The following LARGE1 variants were observed in gnomAD, a reference collection of about 807,000 sequenced individuals.
LARGE1 encodes xylosyl- and glucuronyltransferase LARGE1.
In LARGE1, 43 loss-of-function variants were observed where a neutral mutation model predicts 87.6. The ratio of observed to expected loss-of-function variants is 0.49; its 90% CI spans 0.38 to 0.63. The LOEUF (loss-of-function observed/expected upper bound fraction) is 0.63. LARGE1 is among the 30% of genes least tolerant of loss of function. The pLI is 0.00. For synonymous variants in LARGE1, 434 were observed against 394.6 expected (o/e 1.10, Z -1.18); for missense variants, 802 against 1,000.2 (o/e 0.80, Z 2.67).
intron 9 of LARGE1, among the ~76,000 whole-genome samples, chr22:33,350,397 C>T (rs962744647): frequency 7.2e-5 from 11 of 152,208 alleles, no homozygotes; most frequent in African/African-American, 2.7e-4. Context: ...CGTATTCTTC[C>T]TGTCTCTATG....
intron 4 of LARGE1, among the ~76,000 whole-genome samples, 197 bp from the exon 5 acceptor site, chr22:33,604,755 C>T (rs754143048): frequency 3.3e-5 from 5 of 152,132 alleles, no homozygotes; most frequent in Non-Finnish European, 5.9e-5. Flanking sequence ...TCATCTCACC[C>T]AACCTCTGTG....
chr22:33,271,781 T>C (rs12171120), downstream of LARGE1, among the ~76,000 whole-genome samples: 34,228 of 152,186 alleles, frequency 0.22, 4,578 homozygotes, highest in African/African-American at 0.36. Context: ...TCAGCCTCCA[T>C]TGGGTTGGCA....
intron 3 of LARGE1, among the ~76,000 whole-genome samples, chr22:33,628,790 C>T (rs889286307): frequency 3.5e-3 from 4 of 1,154 alleles, no homozygotes; most frequent in African/African-American, 0.013. Context: ...CCTCCCTATC[C>T]TCCAACCCGC....
At chr22:33,483,085 A>G (rs757414247) in intron 6 of LARGE1, among the ~76,000 whole-genome samples, 8 of 152,184 alleles carry the variant, frequency 5.3e-5, no homozygotes, top group African/African-American at 1.9e-4. Flanking sequence ...TCTGTTTACT[A>G]TTATCGTTTT....
intron 11 of LARGE1, among the ~76,000 whole-genome samples, chr22:33,254,815 G>A (rs542416262): frequency 5.9e-5 from 9 of 152,198 alleles, no homozygotes; most frequent in Admixed American, 2.6e-4. Context: ...TGTAGTTCAA[G>A]GTCCTTAAAC....
At chr22:33,379,121 T>C (rs2065074618) in intron 9 of LARGE1, among the ~76,000 whole-genome samples, 1 of 151,394 alleles carries the variant, frequency 6.6e-6, no homozygotes, top group Non-Finnish European at 1.5e-5. Flanking sequence ...GCTTGATTTC[T>C]AGCACACCCT....
At chr22:33,592,335 T>C (rs2078865126) in intron 5 of LARGE1, among the ~76,000 whole-genome samples, 1 of 152,192 alleles carries the variant, frequency 6.6e-6, no homozygotes, top group African/African-American at 2.4e-5. Flanking sequence ...TTCTGTCTCA[T>C]CTTCTTTGCT....
At chr22:33,391,729 T>A (rs1287350780) in intron 7 of LARGE1, among the ~76,000 whole-genome samples, 1 of 151,026 alleles carries the variant, frequency 6.6e-6, no homozygotes, top group Non-Finnish European at 1.5e-5. Context: ...TCTTTGCTCA[T>A]AAATCTATAA....
intron 1 of LARGE1, among the ~76,000 whole-genome samples, chr22:33,871,007 T>C (rs2064262838): frequency 6.6e-6 from 1 of 152,228 alleles, no homozygotes; most frequent in Admixed American, 6.5e-5. Context: ...ACCAGAACAG[T>C]GTCTGATCTA....
In LARGE1 at chr22:33,196,143, G is replaced by A. The variant is rs529051500; in HGVS notation, c.1731-29311C>T. The stretch of plus-strand genomic sequence containing the variant: ...CAAAGTAAATTAAAAAAAAAAAAAA[G>A]CGTAAGGATAAAAACCGGTATCAAC... On this transcript the variant is annotated intron_variant, in intron 11 of 11. Transcript: ENST00000608642. 1.8e-4 allele frequency among the ~76,000 whole-genome samples: 26 copies of A among 142,374 alleles called. No homozygotes were observed. The East Asian group carries it at 4.2e-3, about 23-fold the overall frequency. 93.4% of individuals were successfully genotyped at this position (142,374 alleles called of 152,430 possible).
At chr22:33,251,128 C>T (rs1479721979) in intron 11 of LARGE1, among the ~76,000 whole-genome samples, 1 of 152,168 alleles carries the variant, frequency 6.6e-6, no homozygotes, top group African/African-American at 2.4e-5. Flanking sequence ...GTGCTCAATA[C>T]CTGGGCCCTT....
chr22:33,642,624 G>A (rs2080473618), intron 3 of LARGE1, among the ~76,000 whole-genome samples: 1 of 142,712 alleles, frequency 7.0e-6, no homozygotes, highest in African/African-American at 2.6e-5. Context: ...TCAGTGTGCT[G>A]TATTCAGGAG....
At chr22:33,861,586 C>T (rs1241570171) in intron 1 of LARGE1, 1 of 152,270 alleles carries the variant, frequency 6.6e-6, no homozygotes. Flanking sequence ...CACGCCTGGC[C>T]TCTCCATGCT....
intron 6 of LARGE1, among the ~76,000 whole-genome samples, chr22:33,481,736 T>A (rs551261433): frequency 9.1e-4 from 139 of 152,306 alleles, no homozygotes; most frequent in African/African-American, 3.2e-3. Context: ...TCAAGGTGGA[T>A]ATTCCCTGGG....
At chr22:33,221,942 C>T (rs111428807) in intron 11 of LARGE1, among the ~76,000 whole-genome samples, 5,019 of 152,284 alleles carry the variant, frequency 0.033, 102 homozygotes, top group Non-Finnish European at 0.047. Context: ...TATCTATGGG[C>T]GGGCTACATA....
At chr22:33,241,794 T>C (rs974251261) in intron 11 of LARGE1, among the ~76,000 whole-genome samples, 30 of 152,082 alleles carry the variant, frequency 2.0e-4, no homozygotes, top group African/African-American at 7.0e-4. Context: ...TCACAAAATC[T>C]AAACAAGTTG....
At chr22:33,787,601 T>C (rs2085690228) in intron 1 of LARGE1, among the ~76,000 whole-genome samples, 1 of 152,198 alleles carries the variant, frequency 6.6e-6, no homozygotes, top group African/African-American at 2.4e-5. Flanking sequence ...GTTCCCAACA[T>C]GTTGCACTCA....
chr22:33,250,835 G>A (rs1384589565), intron 11 of LARGE1, among the ~76,000 whole-genome samples: 2 of 152,162 alleles, frequency 1.3e-5, no homozygotes, highest in African/African-American at 2.4e-5. Flanking sequence ...AGCCTTGCAC[G>A]GCTGGGATAA....
At position 33,493,154 on chromosome 22, in the gene LARGE1, CTTTTTTTTTTTTTT is replaced by C. The variant is rs750203810; in HGVS notation, c.788-60903_788-60890del. ...TGGATAGCTCTACAAGCATGGTGGC[CTTTTTTTTTTTTTT>C]TTTTTTTTTTGAGACATAGTCTTGC... On this transcript the variant is annotated intron_variant, in intron 6 of 14. Coordinates refer to ENST00000397394, the MANE Select transcript of LARGE1 (RefSeq NM_133642.5). Among the ~76,000 whole-genome samples the C allele has an allele frequency of 1.5e-4, 16 of 109,194 alleles. No individual in the cohort carries two copies. In the East Asian group the frequency reaches 4.1e-3, roughly 28 times the overall value. 71.6% of individuals were successfully genotyped at this position (109,194 alleles called of 152,430 possible). A position where few individuals can be genotyped will look rare whatever the true frequency, so the allele number is the denominator to read the frequency against.
Sources: gnomAD v4.1 joint callset for allele counts (sites outside exome capture counted in the v4.1 genomes callset) on GRCh38, gnomAD v4.1.1 for gene constraint, MANE v1.5 for transcripts, NCBI Gene and HGNC (gene_info 2026-07-23, HGNC 2026-07-21) for gene names.